SOX6: variants seen among roughly 807,000 people sequenced by gnomAD.
The protein encoded by SOX6 is transcription factor SOX-6.
Under a neutral mutation model 97.8 loss-of-function variants are expected in SOX6, and 11 were observed. The ratio of observed to expected loss-of-function variants is 0.11; its 90% CI spans 0.07 to 0.19. The LOEUF (loss-of-function observed/expected upper bound fraction) is 0.19. Ranked by LOEUF, SOX6 falls within the 10% of genes least tolerant of loss-of-function variation. The pLI is 1.00. For missense variants in SOX6, 810 were observed against 1,039.5 expected (o/e 0.78, Z 3.04); for synonymous variants, 360 against 371.4 (o/e 0.97, Z 0.35).
At chr11:16,508,512 A>C (rs1196180336) in intron 4 of SOX6, among the ~76,000 whole-genome samples, 1 of 151,560 alleles carries the variant, frequency 6.6e-6, no homozygotes, top group Non-Finnish European at 1.5e-5. Context: ...TAAAAAAAAT[A>C]AATCATGTCA....
intron 3 of SOX6, among the ~76,000 whole-genome samples, chr11:16,303,980 G>A (rs912119140): frequency 6.6e-5 from 10 of 151,950 alleles, no homozygotes; most frequent in African/African-American, 2.2e-4. Flanking sequence ...AAAGTGGTGC[G>A]ATCTCGGCTC....
At chr11:16,715,694 C>A (rs1481644659) in intron 2 of SOX6, among the ~76,000 whole-genome samples, 2 of 151,958 alleles carry the variant, frequency 1.3e-5, no homozygotes, top group East Asian at 3.9e-4. Context: ...TTCAAAAACA[C>A]TGTAACAGCT....
At chr11:16,159,076 C>A (rs1054806587) in intron 6 of SOX6, among the ~76,000 whole-genome samples, 2 of 152,016 alleles carry the variant, frequency 1.3e-5, no homozygotes, top group Admixed American at 6.6e-5. Context: ...TCACCTTATA[C>A]CTAAATCATA....
At chr11:16,559,791 C>T (rs547697365) in intron 4 of SOX6, among the ~76,000 whole-genome samples, 1 of 152,104 alleles carries the variant, frequency 6.6e-6, no homozygotes, top group South Asian at 2.1e-4. Flanking sequence ...TTTCCAAAAC[C>T]GTAATTTGCA....
intron 1 of SOX6, among the ~76,000 whole-genome samples, chr11:16,368,019 T>C (rs1342945541): frequency 6.6e-6 from 1 of 152,174 alleles, no homozygotes; most frequent in Non-Finnish European, 1.5e-5. Flanking sequence ...ACTTACTGCA[T>C]GTCTTTTCAC....
chr11:16,166,883 G>A (rs1272564608), intron 6 of SOX6, among the ~76,000 whole-genome samples: 1 of 152,134 alleles, frequency 6.6e-6, no homozygotes, highest in Non-Finnish European at 1.5e-5. Context: ...ACACAGACAA[G>A]TTTATTAACT....
At chr11:16,334,490 C>A (rs1356581579) in intron 2 of SOX6, among the ~76,000 whole-genome samples, 5 of 151,518 alleles carry the variant, frequency 3.3e-5, no homozygotes, top group Non-Finnish European at 7.4e-5. Context: ...TGCAGTGGCA[C>A]AATGTCGGCT....
rs544337481 is a variant in SOX6 at position 16,500,317 on chromosome 11, A to C, written n.610-23929T>G. Among the ~76,000 whole-genome samples, 4 of 152,346 alleles carry C rather than the reference A, an allele frequency of 2.6e-5. No individual in the cohort carries two copies. In the South Asian group the frequency reaches 8.3e-4, roughly 32 times the overall value. ...GTATTCATGGGACATATCTCAAAAT[A>C]ATAAGAGCTATCTATGAGAAACCCA... On this transcript the variant is annotated intron_variant and non_coding_transcript_variant, in intron 4 of 5. Coordinates refer to the SOX6 transcript ENST00000524520.
At chr11:16,589,195 C>A (rs745583886) in intron 4 of SOX6, among the ~76,000 whole-genome samples, 1 of 152,170 alleles carries the variant, frequency 6.6e-6, no homozygotes. Context: ...CTTGACTCAT[C>A]ATGCCCTCAC....
At chr11:16,618,339 C>A (rs1448572283) in intron 3 of SOX6, among the ~76,000 whole-genome samples, 1 of 151,866 alleles carries the variant, frequency 6.6e-6, no homozygotes, top group Non-Finnish European at 1.5e-5. Context: ...TATCATGCAT[C>A]TTTTTAACAT....
chr11:16,606,959 C>T (rs1848341289), intron 4 of SOX6, among the ~76,000 whole-genome samples: 2 of 152,098 alleles, frequency 1.3e-5, no homozygotes, highest in South Asian at 4.1e-4. Context: ...CGCCCGGGCC[C>T]CTTTCTCTCC....
chr11:16,644,702 T>G (rs906116311), intron 3 of SOX6, among the ~76,000 whole-genome samples: 1 of 152,180 alleles, frequency 6.6e-6, no homozygotes, highest in African/African-American at 2.4e-5. Context: ...TCTTGAAAAC[T>G]CCACAGATAC....
At chr11:16,710,892 G>A (rs1590060558) in intron 3 of SOX6, among the ~76,000 whole-genome samples, 1 of 152,114 alleles carries the variant, frequency 6.6e-6, no homozygotes, top group Non-Finnish European at 1.5e-5. Flanking sequence ...AACAAATCAT[G>A]ATGCCTACCC....
At chr11:16,375,566 A>G (rs1857621395) in intron 1 of SOX6, among the ~76,000 whole-genome samples, 1 of 152,112 alleles carries the variant, frequency 6.6e-6, no homozygotes, top group African/African-American at 2.4e-5. Flanking sequence ...CTAAAGTTGC[A>G]TATTTCTGTG....
chr11:16,355,235 T>G (rs985445642), intron 1 of SOX6, among the ~76,000 whole-genome samples: 1 of 151,878 alleles, frequency 6.6e-6, no homozygotes, highest in African/African-American at 2.4e-5. Context: ...TCACAAACAA[T>G]AAGGTATCTA....
At chr11:16,458,335 G>A (rs1859850357) in intron 1 of SOX6, among the ~76,000 whole-genome samples, 2 of 151,990 alleles carry the variant, frequency 1.3e-5, no homozygotes, top group Admixed American at 1.3e-4. Context: ...AAAAATATTT[G>A]TAACATAGAT....
chr11:16,368,620 C>A (rs1453948922), intron 1 of SOX6, among the ~76,000 whole-genome samples: 3 of 151,912 alleles, frequency 2.0e-5, no homozygotes, highest in Admixed American at 6.6e-5. Context: ...GAAAATGAAT[C>A]AAAAACAAAA....
chr11:16,446,103 G>T (rs557032653), intron 1 of SOX6, among the ~76,000 whole-genome samples: 2 of 152,110 alleles, frequency 1.3e-5, no homozygotes, highest in African/African-American at 4.8e-5. Context: ...ACAAGGTCCA[G>T]TAGCACCTAC....
In SOX6 at chr11:16,097,573, G is replaced by A. The variant is rs1229741261; in HGVS notation, c.978+36C>T. On this transcript the variant is annotated intron_variant, in intron 8 of 15. Transcript: ENST00000683767. ...GTTAGCAGTTTTCCACTAAAGTACT[G>A]GCTCATATCCCACATTTTTTTCTTC... 1.9e-6 allele frequency: 3 copies of A among 1,579,694 alleles called. No individual in the cohort carries two copies. The East Asian group carries it at 6.7e-5, about 35-fold the overall frequency.
Sources: allele counts gnomAD v4.1 joint callset (sites outside exome capture counted in the v4.1 genomes callset), GRCh38; gene constraint gnomAD v4.1.1; transcripts MANE v1.5; gene names NCBI Gene and HGNC (gene_info 2026-07-23, HGNC 2026-07-21).